The following RRN3 variants were observed in gnomAD, a reference collection of about 807,000 sequenced individuals.
RRN3 encodes RNA polymerase I-specific transcription initiation factor RRN3.
RRN3 carries 38 observed loss-of-function variants against 82.3 expected under a neutral mutation model. The observed-to-expected ratio is 0.46, with a 90% confidence interval of 0.36 to 0.61. The LOEUF is 0.61. RRN3 is among the 20% of genes least tolerant of loss of function. RRN3 has a pLI of 0.00. For synonymous variants in RRN3, 284 were observed against 284.3 expected (o/e 1.00, Z 0.01); for missense variants, 726 against 793.1 (o/e 0.92, Z 1.02).
intron 3 of RRN3, among the ~76,000 whole-genome samples, chr16:15,086,841 G>C (rs2151816094): frequency 6.6e-6 from 1 of 152,286 alleles, no homozygotes; most frequent in East Asian, 1.9e-4. Context: ...CTATATTCAA[G>C]CTGACCAGGA....
intron 8 of RRN3, among the ~76,000 whole-genome samples, chr16:15,082,771 T>C (rs568594387): frequency 6.6e-6 from 1 of 152,314 alleles, no homozygotes; most frequent in African/African-American, 2.4e-5. Flanking sequence ...TTCGGTTTTC[T>C]ACTAAGGCAA....
chr16:15,072,589 G>A (rs971653973), intron 12 of RRN3, among the ~76,000 whole-genome samples: 3 of 152,030 alleles, frequency 2.0e-5, no homozygotes, highest in Non-Finnish European at 4.4e-5. Context: ...GATCACTTGT[G>A]GTCAGGAGTT....
chr16:15,062,534 C>T (rs952399695), intron 17 of RRN3, among the ~76,000 whole-genome samples: 11 of 152,230 alleles, frequency 7.2e-5, no homozygotes, highest in African/African-American at 2.7e-4. Flanking sequence ...TCCTCTCTAA[C>T]TGTAACTGTC....
intron 2 of RRN3, among the ~76,000 whole-genome samples, 184 bp from the exon 3 acceptor site, chr16:15,091,555 G>A (rs2046130550): frequency 6.6e-6 from 1 of 151,430 alleles, no homozygotes; most frequent in Admixed American, 6.6e-5. Flanking sequence ...TGCAGCCAGA[G>A]GGCTTGGAAA....
At chr16:15,067,178 G>T (rs1291896660) in intron 15 of RRN3, among the ~76,000 whole-genome samples, 1 of 151,908 alleles carries the variant, frequency 6.6e-6, no homozygotes, top group Non-Finnish European at 1.5e-5. Context: ...GAGAACTAAA[G>T]AGGCTGACGG....
intron 9 of RRN3, among the ~76,000 whole-genome samples, chr16:15,078,837 A>G (rs2045573699): frequency 7.2e-6 from 1 of 139,108 alleles, no homozygotes; most frequent in African/African-American, 2.7e-5. Flanking sequence ...TTTGAGACAG[A>G]GTCTTGCTCT....
At chr16:15,067,958 C>CTATGT (rs1412218669) in intron 15 of RRN3, among the ~76,000 whole-genome samples, 1 of 151,862 alleles carries the variant, frequency 6.6e-6, no homozygotes, top group East Asian at 1.9e-4. Flanking sequence ...TAGGGTCTCA[C>CTATGT]TATGTTGCTC....
intron 3 of RRN3, among the ~76,000 whole-genome samples, chr16:15,087,247 T>C (rs1262651269): frequency 6.6e-6 from 1 of 152,206 alleles, no homozygotes; most frequent in African/African-American, 2.4e-5. Context: ...AGTTATCATT[T>C]AGTGAGAATA....
chr16:15,080,006 TGAG>T lies in RRN3; in HGVS notation c.754_756del (p.Leu252del), dbSNP rs1409726804. 1 of 1,594,370 alleles carries T rather than the reference TGAG, an allele frequency of 6.3e-7. No individual in the cohort carries two copies. Among genetic ancestry groups the T allele is most frequent in the African/African-American group, 1.3e-5 (1 of 74,296 alleles). ...GATTACTCAATACTTACATCCAACT[TGAG>T]TAGTTTTTCAATAATAAGCTCCAGA... is the stretch of plus-strand genomic sequence containing the variant. On this transcript the variant is annotated inframe_deletion, in exon 9 of 18. Coordinates refer to ENST00000198767, the MANE Select transcript of RRN3 (RefSeq NM_018427.5).
At chr16:15,079,064 C>A (rs1235511113) in intron 9 of RRN3, among the ~76,000 whole-genome samples, 1 of 152,156 alleles carries the variant, frequency 6.6e-6, no homozygotes, top group East Asian at 1.9e-4. Flanking sequence ...CCCGCCTCGG[C>A]CTCCCAAAGT....
intron 13 of RRN3, among the ~76,000 whole-genome samples, chr16:15,070,499 C>T (rs962845993): frequency 6.6e-6 from 1 of 151,956 alleles, no homozygotes; most frequent in African/African-American, 2.4e-5. Flanking sequence ...CCCCTAAGAA[C>T]GTCCCAAGGG....
At chr16:15,092,827 G>A (rs185363995) in intron 1 of RRN3, among the ~76,000 whole-genome samples, 1 of 152,064 alleles carries the variant, frequency 6.6e-6, no homozygotes, top group Non-Finnish European at 1.5e-5. Context: ...AAATCTCTCA[G>A]TGTGGTCTTT....
At chr16:15,079,830 C>G (rs1399123622) in intron 9 of RRN3, among the ~76,000 whole-genome samples, 168 bp downstream of exon 9, 1 of 152,166 alleles carries the variant, frequency 6.6e-6, no homozygotes, top group African/African-American at 2.4e-5. Flanking sequence ...CTCCTGACCT[C>G]AGGTGATCTG....
rs1371834007 is a variant in RRN3, at chr16:15,062,744, A to G, written c.1794+452T>C. Among the ~76,000 whole-genome samples the G allele has an allele frequency of 5.9e-5, 9 of 152,364 alleles. No homozygotes were observed. The East Asian group carries it at 1.7e-3, about 29-fold the overall frequency. ...TTTGTAATTAACCTTCGCTTCTCACATGTCAGTATGTGAAGTGTCTGGTTT... is the reference window on the plus strand; with the variant it reads ...TTTGTAATTAACCTTCGCTTCTCACGTGTCAGTATGTGAAGTGTCTGGTTT... On this transcript the variant is annotated intron_variant, in intron 17 of 17. Transcript: ENST00000198767.
At chr16:15,080,617 G>C (rs2045658570) in intron 8 of RRN3, among the ~76,000 whole-genome samples, 1 of 152,102 alleles carries the variant, frequency 6.6e-6, no homozygotes, top group South Asian at 2.1e-4. Flanking sequence ...CTTTTAGAGA[G>C]ACATTTTCTC....
rs758397493 is a variant in RRN3 at position 15,071,102 on chromosome 16, G to A, written c.1259+19C>T. The A allele has an allele frequency of 3.5e-5, 56 of 1,587,428 alleles. No homozygotes were observed. Among genetic ancestry groups the A allele is most frequent in the Middle Eastern group, 2.3e-4 (1 of 4,350 alleles). The stretch of plus-strand genomic sequence containing the variant: ...TAAAGCATGATATTAAAAAGTATTC[G>A]GAAAATTAGGCTACTTACATAAGAG... On this transcript the variant is annotated intron_variant, in intron 13 of 17. Coordinates refer to ENST00000198767, the MANE Select transcript of RRN3 (RefSeq NM_018427.5).
chr16:15,074,398 A>G (rs1164398435), intron 11 of RRN3, among the ~76,000 whole-genome samples: 2 of 152,220 alleles, frequency 1.3e-5, no homozygotes, highest in Non-Finnish European at 1.5e-5. Flanking sequence ...GGAGCACCAT[A>G]TATTAGTGCA....
intron 7 of RRN3, 119 bp from the exon 8 acceptor site, chr16:15,083,701 T>C (rs1171079579): frequency 5.4e-5 from 76 of 1,417,542 alleles, no homozygotes; most frequent in Non-Finnish European, 7.0e-5. Context: ...CAGGAACCCC[T>C]ACCTCAAAGA....
At chr16:15,077,467 C>T (rs984757365) in intron 9 of RRN3, among the ~76,000 whole-genome samples, 2 of 151,988 alleles carry the variant, frequency 1.3e-5, no homozygotes, top group Admixed American at 6.6e-5. Flanking sequence ...TTTCTCTTGC[C>T]GCCACCATGT....
Sources: gnomAD v4.1 joint callset for allele counts (sites outside exome capture counted in the v4.1 genomes callset) on GRCh38, gnomAD v4.1.1 for gene constraint, MANE v1.5 for transcripts, NCBI Gene and HGNC (gene_info 2026-07-23, HGNC 2026-07-21) for gene names.